Variants in SENP8 observed in about 807,000 individuals in gnomAD.
SENP8 encodes the protein SUMO peptidase family member, NEDD8 specific, also known as sentrin-specific protease 8.
A neutral mutation model predicts 14.4 loss-of-function variants in SENP8; 10 were observed. That is an observed-to-expected ratio of 0.69 (90% confidence interval 0.43 to 1.18). The LOEUF is 1.18. Ranked by LOEUF, SENP8 falls within the 50% of genes most tolerant of loss-of-function variation. The probability of loss-of-function intolerance (pLI) is 0.00; values close to 1 mark genes in which losing one functional copy is unlikely to be tolerated. For missense variants in SENP8, 202 were observed against 249.4 expected (o/e 0.81, Z 1.28); for synonymous variants, 94 against 95.5 (o/e 0.98, Z 0.09).
chr15:72,140,323 A>C lies in SENP8; in HGVS notation c.*61A>C. ...CTTTCTGCCCTTCCCCATTTGTTGG[A>C]TGGCTGCAATCTCAGTGCCTGAGGG... On this transcript the variant is annotated 3_prime_UTR_variant, in exon 2 of 2. Coordinates refer to ENST00000340912, the MANE Select transcript of SENP8 (RefSeq NM_145204.4). 8.2e-7 allele frequency: 1 copy of C among 1,224,364 alleles called. No individual in the cohort carries two copies. The highest frequency in any genetic ancestry group is 1.2e-6 in the Non-Finnish European group (1 of 843,098). 75.8% of individuals were successfully genotyped at this position (1,224,364 alleles called of 1,614,324 possible).
At chr15:72,114,384 G>C (rs1215169086), upstream of SENP8, 2 of 152,202 alleles carry the variant, frequency 1.3e-5, no homozygotes, top group Non-Finnish European at 2.9e-5. Flanking sequence ...AAATAAGATA[G>C]AGGCAACAAA....
intron 1 of SENP8, among the ~76,000 whole-genome samples, chr15:72,130,764 T>C (rs546730511): frequency 7.2e-5 from 11 of 152,194 alleles, no homozygotes; most frequent in Non-Finnish European, 1.5e-4. Flanking sequence ...GGTTTCTCCA[T>C]GTTGGTCAGG....
At position 72,140,313 on chromosome 15, in the gene SENP8, C is replaced by A; in HGVS notation, c.*51C>A. 1 of 1,340,314 alleles carries A rather than the reference C, an allele frequency of 7.5e-7. No individual in the cohort carries two copies. The highest frequency in any genetic ancestry group is 1.1e-6 in the Non-Finnish European group (1 of 944,968). 83.0% of individuals were successfully genotyped at this position (1,340,314 alleles called of 1,614,324 possible). ...GAAGGCTCCTCTTTCTGCCCTTCCC[C>A]ATTTGTTGGATGGCTGCAATCTCAG... On this transcript the variant is annotated 3_prime_UTR_variant, in exon 2 of 2. Coordinates refer to ENST00000340912, the MANE Select transcript of SENP8 (RefSeq NM_145204.4).
chr15:72,130,531 G>A (rs902051268), intron 1 of SENP8, among the ~76,000 whole-genome samples: 1 of 150,314 alleles, frequency 6.7e-6, no homozygotes, highest in Non-Finnish European at 1.5e-5. Flanking sequence ...GCTGACCTTT[G>A]GACTAGAAAA....
At chr15:72,114,856 A>G (rs956328703), upstream of SENP8, among the ~76,000 whole-genome samples, 29 of 152,222 alleles carry the variant, frequency 1.9e-4, no homozygotes, top group Non-Finnish European at 4.1e-4. Flanking sequence ...ACATAACCAA[A>G]AATCACTCCA....
chr15:72,117,953 G>A (rs1300883330), upstream of SENP8: 13 of 401,074 alleles, frequency 3.2e-5, no homozygotes, highest in Middle Eastern at 6.2e-4. Context: ...CGCCTCAACC[G>A]CTGCCAGCGG....
upstream of SENP8, among the ~76,000 whole-genome samples, chr15:72,116,001 T>C (rs1022520833): frequency 5.9e-5 from 9 of 152,164 alleles, no homozygotes; most frequent in African/African-American, 1.9e-4. Context: ...CTCTAGGATG[T>C]AGTATTAAGT....
intron 1 of SENP8, among the ~76,000 whole-genome samples, chr15:72,133,228 A>G (rs2081292432): frequency 6.6e-6 from 1 of 152,176 alleles, no homozygotes; most frequent in African/African-American, 2.4e-5. Flanking sequence ...CTTACCAATT[A>G]GTTCTATATA....
At chr15:72,126,518 G>A (rs918075291) in intron 1 of SENP8, among the ~76,000 whole-genome samples, 13 of 152,060 alleles carry the variant, frequency 8.5e-5, no homozygotes, top group African/African-American at 2.9e-4. Context: ...CCAGCTACTC[G>A]GGAGGCTGAA....
At chr15:72,137,928 C>T (rs1226065651) in intron 1 of SENP8, among the ~76,000 whole-genome samples, 2 of 151,498 alleles carry the variant, frequency 1.3e-5, no homozygotes, top group East Asian at 1.9e-4. Flanking sequence ...GCCAGGATCG[C>T]GCCACTGCAC....
Position 72,140,109 on chromosome 15 carries a change from C to T in SENP8, c.486C>T (p.Asp162=), listed in dbSNP as rs764452017. The change falls in exon 2 of 2, where the codon GAC becomes GAT. Residue 162 remains aspartate, a synonymous_variant. Coordinates refer to ENST00000340912, the MANE Select transcript of SENP8 (RefSeq NM_145204.4). ...EKAPAQQNSY[D]CGMYVICNTE... Reference sequence around the variant, plus strand: ...CCCCTGCCCAACAAAACAGCTATGACTGTGGGATGTACGTGATATGTAACA... The same window carrying T: ...CCCCTGCCCAACAAAACAGCTATGATTGTGGGATGTACGTGATATGTAACA... 3.1e-6 allele frequency: 5 copies of T among 1,614,020 alleles called. No homozygotes were observed. Among genetic ancestry groups the T allele is most frequent in the African/African-American group, 2.7e-5 (2 of 74,930 alleles).
intron 1 of SENP8, chr15:72,139,375 A>G: frequency 2.2e-6 from 1 of 464,800 alleles, no homozygotes; most frequent in Non-Finnish European, 3.8e-6. Flanking sequence ...GAAGAGGAGG[A>G]GGAAAAGGAG....
intron 1 of SENP8, among the ~76,000 whole-genome samples, chr15:72,124,667 A>G (rs1470782655): frequency 1.3e-5 from 2 of 152,232 alleles, no homozygotes; most frequent in African/African-American, 4.8e-5. Flanking sequence ...AAGACTCAGA[A>G]GTTGAAAAAA....
At chr15:72,130,681 A>G (rs2081265377) in intron 1 of SENP8, among the ~76,000 whole-genome samples, 1 of 147,632 alleles carries the variant, frequency 6.8e-6, no homozygotes, top group African/African-American at 2.5e-5. Context: ...CTCCTGCCTC[A>G]GCCTCCCAAG....
At chr15:72,131,915 A>G (rs2081276998) in intron 1 of SENP8, among the ~76,000 whole-genome samples, 1 of 152,192 alleles carries the variant, frequency 6.6e-6, no homozygotes, top group African/African-American at 2.4e-5. Context: ...TTGCCACCTC[A>G]AACATAGGGA....
Position 72,140,566 on chromosome 15 carries a change from T to A in SENP8, c.*304T>A. The stretch of plus-strand genomic sequence containing the variant: ...ACTTTTCTTATTGGTATATAATTAA[T>A]TTCCTTTGGTCTCCCTTATCCACAT... On this transcript the variant is annotated 3_prime_UTR_variant, in exon 2 of 2. Transcript: ENST00000340912. 3.3e-6 allele frequency: 1 copy of A among 305,946 alleles called. No homozygotes were observed. The highest frequency in any genetic ancestry group is 6.4e-6 in the Non-Finnish European group (1 of 155,600). 19.0% of individuals were successfully genotyped at this position (305,946 alleles called of 1,614,324 possible). A position where few individuals can be genotyped will look rare whatever the true frequency, so the allele number is the denominator to read the frequency against.
At chr15:72,138,824 G>C (rs1177596812) in intron 1 of SENP8, among the ~76,000 whole-genome samples, 1 of 151,448 alleles carries the variant, frequency 6.6e-6, no homozygotes, top group Non-Finnish European at 1.5e-5. Context: ...AATTAGCCGG[G>C]CATGGTGGCA....
intron 1 of SENP8, among the ~76,000 whole-genome samples, chr15:72,130,632 C>T (rs1208760372): frequency 2.1e-5 from 3 of 141,032 alleles, no homozygotes; most frequent in Non-Finnish European, 4.5e-5. Context: ...GGCGTGATCT[C>T]GGCTCACCGC....
chr15:72,117,106 G>A (rs1222372356), upstream of SENP8: 1 of 152,294 alleles, frequency 6.6e-6, no homozygotes, highest in African/African-American at 2.4e-5. Context: ...ACAGTCGGTG[G>A]TGGGAGAGAA....
Sources: allele counts gnomAD v4.1 joint callset (sites outside exome capture counted in the v4.1 genomes callset), GRCh38; gene constraint gnomAD v4.1.1; transcripts MANE v1.5; gene names NCBI Gene and HGNC (gene_info 2026-07-23, HGNC 2026-07-21).